Variants in EPHA6 observed in about 807,000 individuals in gnomAD.
EPHA6 encodes ephrin type-A receptor 6.
Under a neutral mutation model 112.0 loss-of-function variants are expected in EPHA6, and 50 were observed. The ratio of observed to expected loss-of-function variants is 0.45; its 90% CI spans 0.36 to 0.56. The LOEUF is 0.56. Among genes scored for constraint, EPHA6 ranks in the 20% least tolerant of loss-of-function variants. The pLI, the probability that EPHA6 is intolerant of heterozygous loss-of-function variation, is 0.00. For synonymous variants in EPHA6, 529 were observed against 490.7 expected (o/e 1.08, Z -1.03); for missense variants, 1,280 against 1,417.4 (o/e 0.90, Z 1.56).
At chr3:97,145,860 T>A (rs553615118) in intron 3 of EPHA6, among the ~76,000 whole-genome samples, 29 of 151,718 alleles carry the variant, frequency 1.9e-4, no homozygotes, top group African/African-American at 6.7e-4. Context: ...GTTGAGCACT[T>A]TCCAACTTCA....
rs140218273 is a variant in EPHA6, at chr3:96,961,433, A to G, written c.451-25897A>G. On this transcript the variant is annotated intron_variant, in intron 2 of 17. Coordinates refer to ENST00000389672, the MANE Select transcript of EPHA6 (RefSeq NM_001080448.3). ...TGTTTGTCTTTTGGGTGCAGGAGAA[A>G]AGTGTCTTTATAGATGCTATTATGA... Among the ~76,000 whole-genome samples the G allele has an allele frequency of 1.2e-3, 182 of 152,254 alleles. 1 individual carries two copies. The highest frequency in any genetic ancestry group is 4.2e-3 in the African/African-American group (173 of 41,538).
At chr3:96,860,714 AACATTTATTAAATAT>A (rs1238987110) in intron 1 of EPHA6, among the ~76,000 whole-genome samples, 3 of 152,128 alleles carry the variant, frequency 2.0e-5, no homozygotes, top group Non-Finnish European at 2.9e-5. Context: ...AGAGACTCGC[AACATTTATTAAATAT>A]AAGACTAGAA....
chr3:97,425,751 C>A (rs1231924544), intron 6 of EPHA6, among the ~76,000 whole-genome samples: 2 of 152,162 alleles, frequency 1.3e-5, no homozygotes, highest in Non-Finnish European at 2.9e-5. Flanking sequence ...CATTGTCAGG[C>A]TGCAAATTTT....
intron 2 of EPHA6, among the ~76,000 whole-genome samples, chr3:96,916,423 G>T (rs2039485262): frequency 6.6e-6 from 1 of 152,050 alleles, no homozygotes; most frequent in Admixed American, 6.6e-5. Context: ...AGCATTAGCT[G>T]GCAGGTTAAT....
chr3:97,712,928 A>T (rs1307488415), intron 14 of EPHA6, among the ~76,000 whole-genome samples: 1 of 152,232 alleles, frequency 6.6e-6, no homozygotes, highest in East Asian at 1.9e-4. Context: ...TTTTTTAGCA[A>T]GTAGAAAACA....
chr3:96,847,712 T>G (rs2035152532), intron 1 of EPHA6, among the ~76,000 whole-genome samples: 1 of 152,144 alleles, frequency 6.6e-6, no homozygotes, highest in Non-Finnish European at 1.5e-5. Context: ...AAAATATTTA[T>G]GTATTTTTGC....
chr3:97,716,594 A>G (rs925611671), intron 14 of EPHA6, among the ~76,000 whole-genome samples: 28 of 151,196 alleles, frequency 1.9e-4, no homozygotes, highest in East Asian at 7.7e-4. Context: ...AAAAAAAAAA[A>G]AAAAGAAAAG....
At chr3:97,010,154 G>T (rs574497354) in intron 3 of EPHA6, 5 of 1,157,800 alleles carry the variant, frequency 4.3e-6, no homozygotes, top group Non-Finnish European at 4.5e-6. Flanking sequence ...TTTTTATTTT[G>T]TTGTGTTTTC....
intron 15 of EPHA6, among the ~76,000 whole-genome samples, chr3:97,726,641 T>G (rs1034217979): frequency 6.6e-5 from 10 of 152,082 alleles, no homozygotes; most frequent in Admixed American, 5.9e-4. Context: ...ATGAAGATTT[T>G]TCTTCTTTTT....
At chr3:97,581,003 TAA>T (rs2093432325) in intron 11 of EPHA6, among the ~76,000 whole-genome samples, 1 of 152,212 alleles carries the variant, frequency 6.6e-6, no homozygotes, top group Non-Finnish European at 1.5e-5. Context: ...GAATGAATGC[TAA>T]GTCAGTCTCT....
intron 11 of EPHA6, among the ~76,000 whole-genome samples, chr3:97,559,077 A>G (rs1040629308): frequency 5.3e-5 from 8 of 152,056 alleles, no homozygotes; most frequent in Admixed American, 2.6e-4. Context: ...ATGCATAAAG[A>G]TGAATAAGAA....
intron 12 of EPHA6, among the ~76,000 whole-genome samples, chr3:97,599,948 A>G (rs898120297): frequency 6.6e-6 from 1 of 152,056 alleles, no homozygotes; most frequent in Non-Finnish European, 1.5e-5. Context: ...TTCCTTGAGC[A>G]GTGGTTTGTA....
At chr3:97,099,621 T>C (rs974667407) in intron 3 of EPHA6, among the ~76,000 whole-genome samples, 1 of 151,934 alleles carries the variant, frequency 6.6e-6, no homozygotes, top group Non-Finnish European at 1.5e-5. Context: ...GACCTGTTTC[T>C]GGATACTGGA....
chr3:97,131,401 T>G (rs1395617188), intron 3 of EPHA6, among the ~76,000 whole-genome samples: 2 of 152,134 alleles, frequency 1.3e-5, no homozygotes, highest in African/African-American at 2.4e-5. Context: ...ACAATATTCC[T>G]TAGTCATAAT....
At chr3:97,470,707 T>A (rs940495622) in intron 7 of EPHA6, among the ~76,000 whole-genome samples, 1 of 151,602 alleles carries the variant, frequency 6.6e-6, no homozygotes, top group Non-Finnish European at 1.5e-5. Flanking sequence ...CACTTAATAA[T>A]GTCATCACAA....
intron 14 of EPHA6, among the ~76,000 whole-genome samples, chr3:97,703,050 T>G (rs562282443): frequency 6.6e-6 from 1 of 152,142 alleles, no homozygotes; most frequent in African/African-American, 2.4e-5. Context: ...AAAGAAAGAT[T>G]GACAGCACTG....
intron 6 of EPHA6, among the ~76,000 whole-genome samples, chr3:97,426,850 C>T (rs116622428): frequency 0.015 from 2,340 of 151,928 alleles, 57 homozygotes; most frequent in African/African-American, 0.051. Context: ...AATTAACAGG[C>T]GAAAGGCAGC....
chr3:97,647,165 A>G (rs1043274127), intron 14 of EPHA6, among the ~76,000 whole-genome samples: 2 of 152,178 alleles, frequency 1.3e-5, no homozygotes, highest in African/African-American at 4.8e-5. Flanking sequence ...CAAGCAAGAA[A>G]GCAAAGAGAG....
chr3:96,909,050 A>G (rs1317830261), intron 2 of EPHA6, among the ~76,000 whole-genome samples: 1 of 151,984 alleles, frequency 6.6e-6, no homozygotes, highest in African/African-American at 2.4e-5. Context: ...GGTTTTAATG[A>G]TAGATATAAA....
Sources: allele counts gnomAD v4.1 joint callset (sites outside exome capture counted in the v4.1 genomes callset), GRCh38; gene constraint gnomAD v4.1.1; transcripts MANE v1.5; gene names NCBI Gene and HGNC (gene_info 2026-07-23, HGNC 2026-07-21).